Variants in RERG observed in about 807,000 individuals in gnomAD.
The protein encoded by RERG is ras-related and estrogen-regulated growth inhibitor.
A neutral mutation model predicts 23.2 loss-of-function variants in RERG; 25 were observed. The observed-to-expected ratio is 1.08, with a 90% confidence interval of 0.79 to 1.50. The LOEUF is 1.50. Ranked by LOEUF, RERG falls within the 40% of genes most tolerant of loss-of-function variation. The pLI is 0.00. For synonymous variants in RERG, 81 were observed against 89.1 expected, an observed-to-expected ratio of 0.91 and a Z score of 0.51; for missense variants, 253 against 250.1, an observed-to-expected ratio of 1.01 and a Z score of -0.08.
intron 3 of RERG, among the ~76,000 whole-genome samples, chr12:15,115,976 TTA>T (rs1315241264): frequency 6.6e-6 from 1 of 152,210 alleles, no homozygotes; most frequent in Non-Finnish European, 1.5e-5. Context: ...TAAGTGTATT[TTA>T]TGTTATTGTC....
chr12:15,209,783 T>C (rs1209142786), intron 2 of RERG, among the ~76,000 whole-genome samples: 2 of 152,126 alleles, frequency 1.3e-5, no homozygotes, highest in African/African-American at 2.4e-5. Context: ...ATGTGGAAAA[T>C]AACTGAATGA....
At position 15,109,267 on chromosome 12, in the gene RERG, G is replaced by C; in HGVS notation, c.443C>G (p.Ser148Cys). The change falls in exon 5 of 5, where the codon TCT becomes TGT. Residue 148 changes from serine to cysteine, a missense_variant. Ser to Cys is a moderately radical substitution (Grantham distance 112). Transcript: ENST00000256953. Reference protein sequence around the residue: ...TELACAFYECSACTGEGNITE... With the variant: ...TELACAFYECCACTGEGNITE... ...GATGTTCCCTTCTCCAGTGCAGGCA[G>C]AGCACTCGTAAAAAGCACAAGCCAA... 6.2e-7 allele frequency: 1 copy of C among 1,614,134 alleles called. No homozygotes were observed.
chr12:15,163,728 TG>T (rs1345475928), intron 2 of RERG, among the ~76,000 whole-genome samples: 1 of 151,950 alleles, frequency 6.6e-6, no homozygotes, highest in Non-Finnish European at 1.5e-5. Context: ...CAGGAGGAAA[TG>T]GGTAACCAGA....
chr12:15,155,643 G>C (rs1864510535), intron 2 of RERG, among the ~76,000 whole-genome samples: 1 of 152,096 alleles, frequency 6.6e-6, no homozygotes, highest in Non-Finnish European at 1.5e-5. Flanking sequence ...GGCTGGGTAG[G>C]GCTTCTTGGT....
intron 2 of RERG, among the ~76,000 whole-genome samples, chr12:15,206,407 T>C (rs945580231): frequency 3.3e-5 from 5 of 152,160 alleles, no homozygotes; most frequent in African/African-American, 1.2e-4. Flanking sequence ...CTCAATGCGC[T>C]GAATGTGCAG....
rs182206589 is a variant in RERG, at chr12:15,203,920, G to T, written c.61+13509C>A. ...TAATACATTGATGAAAGACATTAAG[G>T]AATCTACAAATAAATAGAAAGACAT... On this transcript the variant is annotated intron_variant, in intron 2 of 4. Transcript: ENST00000256953. 1.6e-4 allele frequency among the ~76,000 whole-genome samples: 25 copies of T among 151,586 alleles called. No homozygotes were observed. In the East Asian group the frequency reaches 4.8e-3, roughly 29 times the overall value.
intron 2 of RERG, among the ~76,000 whole-genome samples, chr12:15,180,700 G>C (rs1864912185): frequency 6.6e-6 from 1 of 152,124 alleles, no homozygotes. Flanking sequence ...GATCCTGAAT[G>C]CTCATTTGTC....
chr12:15,219,727 T>C (rs187467706), intron 1 of RERG, among the ~76,000 whole-genome samples: 3 of 152,326 alleles, frequency 2.0e-5, no homozygotes, highest in Admixed American at 6.5e-5. Flanking sequence ...CTGCAGCTAG[T>C]ATAAACAATA....
At chr12:15,198,758 C>T (rs1349021881) in intron 2 of RERG, among the ~76,000 whole-genome samples, 1 of 152,164 alleles carries the variant, frequency 6.6e-6, no homozygotes, top group African/African-American at 2.4e-5. Flanking sequence ...GGCTAATTAT[C>T]CCTTTCCCCT....
chr12:15,163,927 TG>T (rs1359333779), intron 2 of RERG, among the ~76,000 whole-genome samples: 2 of 149,636 alleles, frequency 1.3e-5, no homozygotes, highest in Non-Finnish European at 3.0e-5. Flanking sequence ...GAGAGGAGAG[TG>T]GAGAGAGGAG....
intron 2 of RERG, among the ~76,000 whole-genome samples, chr12:15,145,541 T>G (rs1864317862): frequency 6.6e-6 from 1 of 152,198 alleles, no homozygotes; most frequent in Non-Finnish European, 1.5e-5. Flanking sequence ...GCTCCCTGGC[T>G]CTGAGAGTGT....
At position 15,206,404 on chromosome 12, in the gene RERG, C is replaced by T. The variant is rs574737342; in HGVS notation, c.61+11025G>A. Among the ~76,000 whole-genome samples, 8 of 152,216 alleles carry T rather than the reference C, an allele frequency of 5.3e-5. No individual in the cohort carries two copies. In the East Asian group the frequency reaches 7.7e-4, roughly 15 times the overall value. ...ACCCAACAGGGCATGGCACTCAATGCGCTGAATGTGCAGCTCACAAAAAGC... is the reference window on the plus strand; with the variant it reads ...ACCCAACAGGGCATGGCACTCAATGTGCTGAATGTGCAGCTCACAAAAAGC... On this transcript the variant is annotated intron_variant, in intron 2 of 4. Transcript: ENST00000256953.
intron 2 of RERG, among the ~76,000 whole-genome samples, chr12:15,203,989 T>A (rs931881758): frequency 2.0e-5 from 3 of 151,676 alleles, no homozygotes; most frequent in African/African-American, 7.2e-5. Flanking sequence ...AAAATGTTCA[T>A]CCTACACAAA....
chr12:15,163,604 G>A (rs1352712230), intron 2 of RERG, among the ~76,000 whole-genome samples: 2 of 152,172 alleles, frequency 1.3e-5, no homozygotes, highest in African/African-American at 2.4e-5. Context: ...CTTTCAAACC[G>A]ATGCATTTAA....
chr12:15,190,034 C>T (rs375882728), intron 2 of RERG, among the ~76,000 whole-genome samples: 1 of 152,068 alleles, frequency 6.6e-6, no homozygotes, highest in Non-Finnish European at 1.5e-5. Flanking sequence ...GAGAAGGGTA[C>T]AGTATATGAA....
At chr12:15,135,942 C>T (rs1022981217) in intron 2 of RERG, among the ~76,000 whole-genome samples, 1 of 152,038 alleles carries the variant, frequency 6.6e-6, no homozygotes, top group East Asian at 1.9e-4. Flanking sequence ...ATTCCCTTTG[C>T]TTCTATTTTC....
intron 2 of RERG, among the ~76,000 whole-genome samples, chr12:15,191,567 C>T (rs1865071582): frequency 6.6e-6 from 1 of 152,166 alleles, no homozygotes; most frequent in South Asian, 2.1e-4. Flanking sequence ...GTGCACTCTA[C>T]TTAACTTTCC....
rs1863546288 is a variant in RERG, at chr12:15,108,896, T to G, written c.*214A>C. On this transcript the variant is annotated 3_prime_UTR_variant, in exon 5 of 5. Coordinates refer to ENST00000256953, the MANE Select transcript of RERG (RefSeq NM_032918.3). ...ATTACATGTTCAAATGCCATTAGAG[T>G]GTATCTTATTCAAGCAGGAAAGGAA... 5.9e-6 allele frequency: 3 copies of G among 505,616 alleles called. No individual in the cohort carries two copies. The highest frequency in any genetic ancestry group is 3.7e-5 in the Admixed American group (1 of 26,770). 31.3% of individuals were successfully genotyped at this position (505,616 alleles called of 1,614,324 possible). A position where few individuals can be genotyped will look rare whatever the true frequency, so the allele number is the denominator to read the frequency against.
chr12:15,190,372 G>T (rs1343329118), intron 2 of RERG, among the ~76,000 whole-genome samples: 1 of 152,114 alleles, frequency 6.6e-6, no homozygotes, highest in Non-Finnish European at 1.5e-5. Flanking sequence ...TTTGTTTTGG[G>T]CTGCATTCAA....
Sources: allele counts gnomAD v4.1 joint callset (sites outside exome capture counted in the v4.1 genomes callset), GRCh38; gene constraint gnomAD v4.1.1; transcripts MANE v1.5; gene names NCBI Gene and HGNC (gene_info 2026-07-23, HGNC 2026-07-21).